THOC2: variants seen among roughly 807,000 people sequenced by gnomAD.
THOC2 encodes the protein THO complex subunit 2.
Under a neutral mutation model 128.4 loss-of-function variants are expected in THOC2, and 10 were observed. The ratio of observed to expected loss-of-function variants is 0.08; its 90% CI spans 0.05 to 0.13. The LOEUF (loss-of-function observed/expected upper bound fraction) is 0.13, where lower values mean the gene tolerates loss of function less well. Among genes scored for constraint, THOC2 ranks in the 10% least tolerant of loss-of-function variants. The probability of loss-of-function intolerance (pLI) is 1.00; values close to 1 mark genes in which losing one functional copy is unlikely to be tolerated. For synonymous variants in THOC2, 393 were observed against 396.9 expected, an observed-to-expected ratio of 0.99 and a Z score of 0.12; for missense variants, 535 against 1,155.7, an observed-to-expected ratio of 0.46 and a Z score of 7.79.
chrX:123,609,521 T>G, intron 38 of THOC2, among the ~76,000 whole-genome samples: 1 of 111,728 alleles, frequency 9.0e-6, no homozygotes, highest in Non-Finnish European at 1.9e-5. Flanking sequence ...GAACTGGCTC[T>G]CAGACATTTC....
chrX:123,715,010 C>T (rs1400026826), intron 1 of THOC2, among the ~76,000 whole-genome samples: 2 of 94,854 alleles, frequency 2.1e-5, no homozygotes, highest in Non-Finnish European at 4.1e-5. Context: ...AAATTTGTAG[C>T]AATAAAGGCT....
intron 22 of THOC2, among the ~76,000 whole-genome samples, chrX:123,629,206 A>AGC (rs1556020403): frequency 1.2e-5 from 1 of 81,962 alleles, no homozygotes; most frequent in Non-Finnish European, 2.3e-5. Flanking sequence ...ATTATACATG[A>AGC]ACACACACAC....
intron 8 of THOC2, among the ~76,000 whole-genome samples, chrX:123,678,719 C>T (rs964007081): frequency 1.3e-4 from 14 of 110,570 alleles, no homozygotes; most frequent in African/African-American, 2.6e-4. Flanking sequence ...ATGCAACCAC[C>T]GTCATATATG....
intron 12 of THOC2, among the ~76,000 whole-genome samples, chrX:123,652,442 C>G (rs917071191): frequency 4.5e-5 from 5 of 111,401 alleles, no homozygotes; most frequent in Non-Finnish European, 9.4e-5. Context: ...GGCAATCAGC[C>G]AAGAGAAAGA....
Position 123,626,594 on chromosome X carries a change from T to A in THOC2, c.2826A>T (p.Glu942Asp). ...TCTGTACATGTTCCATCTGTTTCTT[T>A]TCTTCTTCAAGAAGCTTGTCCTGAA... ...TALQDKLLEE[E>D]KKQMEHVQRV... Residue 942 changes from glutamate (E) to aspartate (D), a missense_variant, in exon 24 of 39, where the codon GAA becomes GAT. Around this residue, in one of 9 missense-constraint regions of THOC2, gnomAD observed 90 missense variants for 298.6 expected, o/e 0.30. Transcript: ENST00000245838. 8.3e-7 allele frequency: 1 copy of A among 1,203,754 alleles called. No individual in the cohort carries two copies. The highest frequency in any genetic ancestry group is 1.1e-6 in the Non-Finnish European group (1 of 892,343).
At chrX:123,688,023 G>T (rs2050078546) in intron 7 of THOC2, among the ~76,000 whole-genome samples, 1 of 112,146 alleles carries the variant, frequency 8.9e-6, no homozygotes, top group Non-Finnish European at 1.9e-5. Flanking sequence ...GCTGCTGATG[G>T]CAATGTAAAA....
Position 123,607,683 on chromosome X carries a change from C to T in THOC2, c.*18+3235G>A, listed in dbSNP as rs780165062. On this transcript the variant is annotated intron_variant, in intron 38 of 38. Transcript: ENST00000245838. ...CTTACAAATCACTGTCATTTCTCTA[C>T]CAACCCTCCTTAAAAAAACTGTTCT... Among the ~76,000 whole-genome samples, 11 of 109,513 alleles carry T rather than the reference C, an allele frequency of 1.0e-4. No individual in the cohort carries two copies. The South Asian group carries it at 4.3e-3, about 43-fold the overall frequency.
At chrX:123,710,231 T>G (rs1036695336) in intron 2 of THOC2, among the ~76,000 whole-genome samples, 2 of 111,713 alleles carry the variant, frequency 1.8e-5, no homozygotes, top group Non-Finnish European at 3.8e-5. Flanking sequence ...ATTCAGCCAA[T>G]AAGGCCACAC....
At chrX:123,730,950 G>GA (rs1321500942) in intron 1 of THOC2, among the ~76,000 whole-genome samples, 170 of 107,922 alleles carry the variant, frequency 1.6e-3, no homozygotes, top group Non-Finnish European at 2.9e-3. Context: ...TCTCAAGGGG[G>GA]AAAAAAAAAA....
At chrX:123,698,007 G>A (rs2050514007) in intron 4 of THOC2, among the ~76,000 whole-genome samples, 5 of 109,300 alleles carry the variant, frequency 4.6e-5, no homozygotes, top group Admixed American at 2.0e-4. Context: ...TATGGCACTG[G>A]AAGCAACAAA....
At chrX:123,684,219 C>G (rs539357339) in intron 8 of THOC2, among the ~76,000 whole-genome samples, 1 of 111,886 alleles carries the variant, frequency 8.9e-6, no homozygotes, top group East Asian at 2.8e-4. Context: ...CATATGCTCT[C>G]AAACCCACAG....
chrX:123,660,001 G>C (rs2048764444), intron 12 of THOC2, among the ~76,000 whole-genome samples: 1 of 111,998 alleles, frequency 8.9e-6, no homozygotes, highest in East Asian at 2.8e-4. Context: ...GGTAAAAATA[G>C]ATCAAAATTC....
chrX:123,623,081 A>T, intron 29 of THOC2, 24 bp downstream of exon 29: 1 of 1,161,206 alleles, frequency 8.6e-7, no homozygotes, highest in South Asian at 1.9e-5. Context: ...TATATTACTT[A>T]TAAGTTTCTA....
chrX:123,614,656 AC>A (rs1392978003), intron 33 of THOC2, among the ~76,000 whole-genome samples: 8 of 111,638 alleles, frequency 7.2e-5, no homozygotes, highest in African/African-American at 2.3e-4. Flanking sequence ...TAAAAATAAA[AC>A]CTAGCTATGA....
rs777418613 is a variant in THOC2, at chrX:123,718,564, A to C, written c.72-5656T>G. ...AATCTGAGGTCAGAAGTTCAAGACA[A>C]GCCTGACCAACATGGAGAAACCCTT... On this transcript the variant is annotated intron_variant, in intron 1 of 38. Transcript: ENST00000245838. Among the ~76,000 whole-genome samples, 7 of 111,590 alleles carry C rather than the reference A, an allele frequency of 6.3e-5. No homozygotes were observed. In the South Asian group the frequency reaches 2.6e-3, roughly 42 times the overall value.
At chrX:123,661,631 T>C (rs1481208518) in intron 12 of THOC2, among the ~76,000 whole-genome samples, 1 of 110,925 alleles carries the variant, frequency 9.0e-6, no homozygotes, top group African/African-American at 3.3e-5. Context: ...TATTTCAAAA[T>C]AGTCAGAACA....
intron 30 of THOC2, among the ~76,000 whole-genome samples, 181 bp downstream of exon 30, chrX:123,622,577 G>A (rs753137503): frequency 8.9e-6 from 1 of 111,788 alleles, no homozygotes; most frequent in South Asian, 3.8e-4. Flanking sequence ...TGAGGGCCAG[G>A]TGCAGTGGCT....
intron 1 of THOC2, among the ~76,000 whole-genome samples, chrX:123,717,477 G>A (rs1175585614): frequency 9.0e-6 from 1 of 110,722 alleles, no homozygotes; most frequent in Non-Finnish European, 1.9e-5. Context: ...AACCAAGGAG[G>A]TGAAAGATCC....
intron 7 of THOC2, among the ~76,000 whole-genome samples, chrX:123,689,056 T>C (rs1290692374): frequency 4.4e-5 from 5 of 112,591 alleles, no homozygotes; most frequent in African/African-American, 1.6e-4. Context: ...AAATAAAGAA[T>C]AGAACAGCAA....
Sources: gnomAD v4.1 joint callset for allele counts (sites outside exome capture counted in the v4.1 genomes callset) on GRCh38, gnomAD v4.1.1 for gene constraint, gnomAD v4.1.1 regional missense constraint, MANE v1.5 for transcripts, NCBI Gene and HGNC (gene_info 2026-07-23, HGNC 2026-07-21) for gene names.